Variants in DCC observed in about 807,000 individuals in gnomAD.
The protein encoded by DCC is netrin receptor DCC.
In DCC, 58 loss-of-function variants were observed where a neutral mutation model predicts 172.5. The ratio of observed to expected loss-of-function variants is 0.34; its 90% CI spans 0.27 to 0.42. DCC has a LOEUF of 0.42. Among genes scored for constraint, DCC ranks in the 10% least tolerant of loss-of-function variants. The probability of loss-of-function intolerance (pLI) is 1.00; values close to 1 mark genes in which losing one functional copy is unlikely to be tolerated. For synonymous variants in DCC, 709 were observed against 644.5 expected (o/e 1.10, Z -1.52); for missense variants, 1,740 against 1,791.0 (o/e 0.97, Z 0.51).
chr18:53,001,254 A>G (rs945272297), intron 5 of DCC, among the ~76,000 whole-genome samples: 17 of 152,114 alleles, frequency 1.1e-4, no homozygotes, highest in African/African-American at 4.1e-4. Flanking sequence ...AATGTTCAAT[A>G]GCGCCTTCTC....
intron 5 of DCC, among the ~76,000 whole-genome samples, chr18:53,035,256 C>T (rs930285835): frequency 2.0e-5 from 3 of 151,766 alleles, no homozygotes; most frequent in African/African-American, 7.3e-5. Context: ...TATGGCCATA[C>T]CACCCGAAAT....
chr18:52,904,527 T>C (rs933892249), intron 2 of DCC, among the ~76,000 whole-genome samples: 3 of 152,328 alleles, frequency 2.0e-5, no homozygotes, highest in East Asian at 3.9e-4. Flanking sequence ...TTGTATCAGG[T>C]TGTGGGGAAA....
chr18:52,462,433 G>A lies in DCC; in HGVS notation c.91+121555G>A, dbSNP rs528816557. Among the ~76,000 whole-genome samples, 20 of 151,988 alleles carry A rather than the reference G, an allele frequency of 1.3e-4. No individual in the cohort carries two copies. In the East Asian group the frequency reaches 3.3e-3, roughly 25 times the overall value. ...TGTAATTCTCATCCTATTTCATTCT[G>A]CTCCTGACACACTGCCTCGTGTCAG... On this transcript the variant is annotated intron_variant, in intron 1 of 28. Transcript: ENST00000442544.
chr18:52,440,526 A>G (rs1209023651), intron 1 of DCC, among the ~76,000 whole-genome samples: 3 of 152,224 alleles, frequency 2.0e-5, no homozygotes. Context: ...AGTGCCCTCA[A>G]CAATGGAGAG....
At chr18:52,892,747 A>T (rs2039669265) in intron 2 of DCC, among the ~76,000 whole-genome samples, 1 of 152,152 alleles carries the variant, frequency 6.6e-6, no homozygotes, top group Admixed American at 6.6e-5. Context: ...TCAGAGTCTC[A>T]GTAGAGAAGG....
chr18:52,715,897 C>A (rs772265726), intron 1 of DCC, among the ~76,000 whole-genome samples: 1 of 143,994 alleles, frequency 6.9e-6, no homozygotes, highest in Non-Finnish European at 1.6e-5. Context: ...TTCAGGCTAT[C>A]TGAGTTCTCC....
At chr18:53,164,572 G>A (rs1368151635) in intron 8 of DCC, among the ~76,000 whole-genome samples, 1 of 152,134 alleles carries the variant, frequency 6.6e-6, no homozygotes, top group Non-Finnish European at 1.5e-5. Flanking sequence ...TACCATCTGT[G>A]TGACTTTGGG....
chr18:52,436,677 G>C (rs979294075), intron 1 of DCC, among the ~76,000 whole-genome samples: 1 of 152,210 alleles, frequency 6.6e-6, no homozygotes, highest in African/African-American at 2.4e-5. Context: ...GGAGGCTGAG[G>C]TGGGTGGATC....
intron 5 of DCC, among the ~76,000 whole-genome samples, chr18:53,054,323 A>G (rs895986043): frequency 6.6e-6 from 1 of 152,034 alleles, no homozygotes; most frequent in African/African-American, 2.4e-5. Flanking sequence ...GAATGTATAA[A>G]ATTATCTCAT....
intron 1 of DCC, among the ~76,000 whole-genome samples, chr18:52,454,769 T>C (rs563526159): frequency 4.5e-4 from 69 of 152,318 alleles, no homozygotes; most frequent in African/African-American, 1.6e-3. Flanking sequence ...TTTAATTTCA[T>C]TTCTAACATT....
Position 53,268,016 on chromosome 18 carries a change from C to A in DCC, c.1912-37562C>A, listed in dbSNP as rs536109279. On this transcript the variant is annotated intron_variant, in intron 12 of 28. Coordinates refer to ENST00000442544, the MANE Select transcript of DCC (RefSeq NM_005215.4). Reference sequence around the variant, plus strand: ...ACTAAAAAATTCCCCCGTGTGAGCACCTTATTGCAAACTTATTACTTTGGG... The same window carrying A: ...ACTAAAAAATTCCCCCGTGTGAGCAACTTATTGCAAACTTATTACTTTGGG... 3.9e-5 allele frequency among the ~76,000 whole-genome samples: 6 copies of A among 152,260 alleles called. No homozygotes were observed. The South Asian group carries it at 1.2e-3, about 32-fold the overall frequency.
chr18:53,063,400 A>G lies in DCC; in HGVS notation c.1081A>G (p.Thr361Ala), dbSNP rs2042523515. 2 of 1,612,270 alleles carry G rather than the reference A, an allele frequency of 1.2e-6. No homozygotes were observed. The highest frequency in any genetic ancestry group is 1.7e-6 in the Non-Finnish European group (2 of 1,178,498). ...TACAGTCTCTGGAAAGCCTGTGCCC[A>G]CTGTGAATTGGATGAAGAATGGAGA... ...ECTVSGKPVP[T>A]VNWMKNGDVV... The change falls in exon 6 of 29, where the codon ACT becomes GCT. Residue 361 changes from threonine (T) to alanine (A), a missense_variant. Physicochemically the swap from Thr to Ala is moderately conservative, Grantham distance 58 (BLOSUM62 0). This residue lies in a region of DCC where 1,732 missense variants were observed against 1,767.4 expected (regional missense o/e 0.98). Coordinates refer to ENST00000442544, the MANE Select transcript of DCC (RefSeq NM_005215.4).
chr18:53,383,134 T>G (rs76579371), intron 15 of DCC, among the ~76,000 whole-genome samples: 6,786 of 152,146 alleles, frequency 0.045, 220 homozygotes, highest in Non-Finnish European at 0.061. Context: ...TTGATCCCTT[T>G]GGCAAAACTC....
chr18:52,797,852 C>T (rs1425048405), intron 2 of DCC, among the ~76,000 whole-genome samples: 12 of 152,186 alleles, frequency 7.9e-5, no homozygotes, highest in Admixed American at 7.9e-4. Flanking sequence ...ATGCAGGTGG[C>T]AGTGGCAATG....
At chr18:53,028,988 C>A (rs1346136505) in intron 5 of DCC, among the ~76,000 whole-genome samples, 4 of 152,076 alleles carry the variant, frequency 2.6e-5, no homozygotes, top group Non-Finnish European at 4.4e-5. Flanking sequence ...GCATATGAGC[C>A]ATATTTTGTC....
intron 1 of DCC, among the ~76,000 whole-genome samples, chr18:52,342,280 C>CGTGTGT (rs10535247): frequency 5.3e-5 from 8 of 150,304 alleles, no homozygotes; most frequent in East Asian, 2.0e-4. Flanking sequence ...TGTGTGTGTG[C>CGTGTGT]GTGTGTGTGT....
Position 53,139,572 on chromosome 18 carries a change from T to A in DCC, c.1262-17784T>A, listed in dbSNP as rs561292545. Among the ~76,000 whole-genome samples, 4 of 152,308 alleles carry A rather than the reference T, an allele frequency of 2.6e-5. No individual in the cohort carries two copies. In the South Asian group the frequency reaches 8.3e-4, roughly 32 times the overall value. On this transcript the variant is annotated intron_variant, in intron 7 of 28. Coordinates refer to ENST00000442544, the MANE Select transcript of DCC (RefSeq NM_005215.4). ...GTTTAACAAAAACTTATTGTGCACCTGCTATGAGTCAGGCATTCTGTATGT... is the reference window on the plus strand; with the variant it reads ...GTTTAACAAAAACTTATTGTGCACCAGCTATGAGTCAGGCATTCTGTATGT...
At chr18:53,035,204 A>G (rs2042076994) in intron 5 of DCC, among the ~76,000 whole-genome samples, 2 of 151,698 alleles carry the variant, frequency 1.3e-5, no homozygotes, top group South Asian at 2.1e-4. Context: ...AACATTACAG[A>G]TCTTCTGTTT....
At chr18:53,479,597 T>C (rs559113759) in intron 25 of DCC, among the ~76,000 whole-genome samples, 3 of 152,276 alleles carry the variant, frequency 2.0e-5, no homozygotes, top group South Asian at 4.1e-4. Context: ...GAGTACAGAA[T>C]TGTATCTTTT....
Sources: gnomAD v4.1 joint callset for allele counts (sites outside exome capture counted in the v4.1 genomes callset) on GRCh38, gnomAD v4.1.1 for gene constraint, gnomAD v4.1.1 regional missense constraint, MANE v1.5 for transcripts, NCBI Gene and HGNC (gene_info 2026-07-23, HGNC 2026-07-21) for gene names.